RPS17: variants seen among roughly 807,000 people sequenced by gnomAD.
RPS17 encodes the protein small ribosomal subunit protein eS17.
For missense variants in RPS17, 68 were observed against 182.3 expected (o/e 0.37, Z 3.61); for synonymous variants, 75 against 65.6 (o/e 1.14, Z -0.70).
intron 3 of RPS17, chr15:82,538,613 A>G: frequency 1.5e-6 from 1 of 654,318 alleles, no homozygotes; most frequent in South Asian, 1.8e-5. Context: ...ACCAAAGAAT[A>G]CTATATTAGG....
chr15:82,537,298 G>T (rs2034257732), intron 4 of RPS17: 2 of 299,686 alleles, frequency 6.7e-6, no homozygotes, highest in African/African-American at 4.3e-5. Flanking sequence ...AAGTTAGCAG[G>T]TATCCCCTGG....
intron 4 of RPS17, chr15:82,537,098 ACT>A: frequency 1.6e-6 from 1 of 638,780 alleles, no homozygotes; most frequent in Non-Finnish European, 2.9e-6. Context: ...CCCATTTACA[ACT>A]CTATGACTTT....
chr15:82,539,052 CAT>C, intron 2 of RPS17, 67 bp from the exon 3 acceptor site: 1 of 1,480,904 alleles, frequency 6.8e-7, no homozygotes, highest in Non-Finnish European at 9.4e-7. Context: ...GTACTGAGCA[CAT>C]GTGCATATAT....
Position 82,540,060 on chromosome 15 carries a change from T to C in RPS17, c.76A>G (p.Asn26Asp). The C allele has an allele frequency of 6.2e-7, 1 of 1,612,922 alleles. No individual in the cohort carries two copies. ...ACGCGCTTGTTCGTGTGGAAGTCGT[T>C]GCCCAGGCGCGTGTAGTACTTTTCT... The part of the protein sequence containing the change: ...IIEKYYTRLG[N>D]DFHTNKRVCE... Residue 26 changes from asparagine (N) to aspartate (D), a missense_variant, in exon 2 of 5, where the codon AAC (asparagine) becomes GAC (aspartate). By Grantham distance (23) the Asn-to-Asp change is conservative. Coordinates refer to ENST00000647841, the MANE Select transcript of RPS17 (RefSeq NM_001021.6).
At chr15:82,537,240 C>T (rs2034256439) in intron 4 of RPS17, 2 of 380,456 alleles carry the variant, frequency 5.3e-6, no homozygotes, top group Non-Finnish European at 1.0e-5. Flanking sequence ...GGCAGCTGTA[C>T]TGTGTATTGC....
intron 1 of RPS17, 51 bp downstream of exon 1, chr15:82,540,375 G>A (rs2034329385): frequency 3.1e-6 from 5 of 1,589,302 alleles, no homozygotes; most frequent in Admixed American, 1.9e-5. Flanking sequence ...GCGGGAAGCT[G>A]CAGATGGGGG....
intron 2 of RPS17, 43 bp from the exon 3 acceptor site, chr15:82,539,028 T>C (rs1158741354): frequency 2.5e-6 from 4 of 1,584,010 alleles, no homozygotes; most frequent in Non-Finnish European, 3.5e-6. Flanking sequence ...AGAAGACAAA[T>C]CAACTCCCAC....
At position 82,538,877 on chromosome 15, in the gene RPS17, T is replaced by C. The variant is rs1175492290; in HGVS notation, c.261+3A>G. 6 of 1,613,762 alleles carry C rather than the reference T, an allele frequency of 3.7e-6. No homozygotes were observed. In the African/African-American group the frequency reaches 6.7e-5, roughly 18 times the overall value. On this transcript the variant is annotated splice_donor_region_variant and intron_variant, in intron 3 of 4. Coordinates refer to ENST00000647841, the MANE Select transcript of RPS17 (RefSeq NM_001021.6). The stretch of plus-strand genomic sequence containing the variant: ...CAGAAGCCCAAATATCCAGAAAGTT[T>C]ACCTCAGGAACATAATTGTCTCTCC...
chr15:82,538,208 A>C, intron 4 of RPS17, 98 bp downstream of exon 4: 1 of 1,354,332 alleles, frequency 7.4e-7, no homozygotes, highest in Non-Finnish European at 1.1e-6. Flanking sequence ...TGGGATTCCC[A>C]ACTCTGCCAC....
At chr15:82,537,874 G>A (rs2034268221) in intron 4 of RPS17, 1 of 456,248 alleles carries the variant, frequency 2.2e-6, no homozygotes, top group Admixed American at 2.3e-5. Context: ...AAACATCAAA[G>A]TGCAATGAAG....
At chr15:82,538,447 T>TAAG in intron 3 of RPS17, 76 bp from the exon 4 acceptor site, 2 of 1,515,644 alleles carry the variant, frequency 1.3e-6, no homozygotes, top group Non-Finnish European at 1.8e-6. Context: ...TCTCCCCAGG[T>TAAG]TCTTAAATAT....
At chr15:82,539,439 G>A (rs1454480569) in intron 2 of RPS17, 2 of 460,042 alleles carry the variant, frequency 4.3e-6, no homozygotes, top group East Asian at 6.9e-5. Flanking sequence ...TGTAATCCCA[G>A]CAATTTGGGA....
At chr15:82,539,605 C>G in intron 2 of RPS17, 1 of 411,848 alleles carries the variant, frequency 2.4e-6, no homozygotes, top group East Asian at 6.2e-5. Context: ...ATGACAATCG[C>G]TTGAACCCGG....
intron 4 of RPS17, 49 bp from the exon 5 acceptor site, chr15:82,536,930 A>T (rs957909590): frequency 4.4e-6 from 7 of 1,608,086 alleles, no homozygotes; most frequent in Non-Finnish European, 6.0e-6. Context: ...GAGATCTGTG[A>T]GTGGACCCCA....
chr15:82,537,999 G>A (rs1402814776), intron 4 of RPS17: 25 of 483,468 alleles, frequency 5.2e-5, no homozygotes, highest in Admixed American at 4.6e-4. Context: ...AGAAAAGCAG[G>A]CAGATTCAGC....
intron 1 of RPS17, 50 bp from the exon 2 acceptor site, chr15:82,540,182 G>A (rs1302069916): frequency 6.2e-7 from 1 of 1,613,356 alleles, no homozygotes; most frequent in Non-Finnish European, 8.5e-7. Context: ...AACCTTCTGG[G>A]AAGAGTGCGG....
Position 82,540,401 on chromosome 15 carries a change from G to A in RPS17, c.3+25C>T, listed in dbSNP as rs1210419355. The stretch of plus-strand genomic sequence containing the variant: ...CAGATGGGGGACGATTGTGGAGGAT[G>A]GCGGCCTCGAGCCAAAACACCTACC... On this transcript the variant is annotated intron_variant, in intron 1 of 4. Coordinates refer to ENST00000647841, the MANE Select transcript of RPS17 (RefSeq NM_001021.6). The A allele has an allele frequency of 3.1e-6, 5 of 1,593,376 alleles. No individual in the cohort carries two copies. In the South Asian group the frequency reaches 4.6e-5, roughly 15 times the overall value.
intron 2 of RPS17, 189 bp downstream of exon 2, chr15:82,539,792 G>C: frequency 2.0e-6 from 2 of 1,013,044 alleles, no homozygotes; most frequent in Non-Finnish European, 3.1e-6. Context: ...GGGTCACCGC[G>C]GCCAGTCATG....
intron 2 of RPS17, 86 bp from the exon 3 acceptor site, chr15:82,539,071 C>T: frequency 7.7e-7 from 1 of 1,305,662 alleles, no homozygotes; most frequent in Non-Finnish European, 1.1e-6. Flanking sequence ...ATATAAATAC[C>T]CGCTTTAGTT....
Sources: allele counts gnomAD v4.1 joint callset, GRCh38; gene constraint gnomAD v4.1.1; transcripts MANE v1.5; gene names NCBI Gene and HGNC (gene_info 2026-07-23, HGNC 2026-07-21).